PPP1R16A: variants seen among roughly 807,000 people sequenced by gnomAD.
PPP1R16A encodes the protein myosin phosphatase-targeting subunit 3.
PPP1R16A carries 39 observed loss-of-function variants against 46.6 expected under a neutral mutation model. The ratio of observed to expected loss-of-function variants is 0.84; its 90% CI spans 0.65 to 1.09. PPP1R16A has a LOEUF of 1.09. PPP1R16A is among the 50% of genes least tolerant of loss of function. The pLI, the probability that PPP1R16A is intolerant of heterozygous loss-of-function variation, is 0.00. For synonymous variants in PPP1R16A, 413 were observed against 321.5 expected, an observed-to-expected ratio of 1.28 and a Z score of -3.04; for missense variants, 798 against 735.6, an observed-to-expected ratio of 1.08 and a Z score of -0.98.
At chr8:144,494,672 T>G (rs1825970561) in intron 2 of PPP1R16A, among the ~76,000 whole-genome samples, 1 of 152,130 alleles carries the variant, frequency 6.6e-6, no homozygotes, top group Non-Finnish European at 1.5e-5. Context: ...GCCTTGCTCT[T>G]GGCTTGTGAT....
At chr8:144,499,956 C>G (rs988291803) in intron 5 of PPP1R16A, 140 bp from the exon 6 acceptor site, 1 of 791,120 alleles carries the variant, frequency 1.3e-6, no homozygotes, top group African/African-American at 1.7e-5. Context: ...CCAAGGCTGC[C>G]TCTCCCAGCA....
At chr8:144,483,025 C>T (rs984146120) in intron 1 of PPP1R16A, among the ~76,000 whole-genome samples, 7 of 151,574 alleles carry the variant, frequency 4.6e-5, no homozygotes, top group Non-Finnish European at 7.4e-5. Context: ...TCAGGTGATC[C>T]GCCCCCCTCA....
intron 1 of PPP1R16A, among the ~76,000 whole-genome samples, chr8:144,488,686 G>T (rs1405395986): frequency 2.6e-5 from 4 of 152,154 alleles, no homozygotes; most frequent in African/African-American, 7.2e-5. Flanking sequence ...GGCAACGATG[G>T]GCGGGGGTGA....
chr8:144,499,753 C>T, intron 5 of PPP1R16A: 1 of 294,700 alleles, frequency 3.4e-6, no homozygotes, highest in Non-Finnish European at 6.5e-6. Flanking sequence ...CTCAGCAGCC[C>T]CTCAGCGTGG....
chr8:144,499,687 C>A (rs1430437512), intron 5 of PPP1R16A: 22 of 219,718 alleles, frequency 1.0e-4, no homozygotes, highest in Non-Finnish European at 6.4e-5. Context: ...ACACCCCCTT[C>A]TGTGTTCTGG....
intron 2 of PPP1R16A, among the ~76,000 whole-genome samples, chr8:144,494,768 G>A (rs918689335): frequency 6.6e-6 from 1 of 152,128 alleles, no homozygotes; most frequent in Non-Finnish European, 1.5e-5. Flanking sequence ...GAAAGGTGAG[G>A]ATCTCCTCTT....
chr8:144,497,657 C>T, intron 3 of PPP1R16A: 1 of 735,970 alleles, frequency 1.4e-6, no homozygotes, highest in Non-Finnish European at 2.4e-6. Context: ...CTGAGGTGAG[C>T]CTGTGCGGGA....
Position 144,501,187 on chromosome 8 carries a change from GC to G in PPP1R16A, c.1099del (p.Gln367ArgfsTer49). The G allele has an allele frequency of 6.2e-7, 1 of 1,610,084 alleles. No homozygotes were observed. The highest frequency in any genetic ancestry group is 8.5e-7 in the Non-Finnish European group (1 of 1,179,624). On this transcript the variant is annotated frameshift_variant, in exon 11 of 12. Transcript: ENST00000435887. LOFTEE classifies it high-confidence loss of function. ...QRTDLYRKQH[A>X]QEAIVWQQPP... ...CACCGACCTGTACCGCAAGCAGCAC[GC>G]CCAGGAGGCCATCGTGTGGCAACAG...
intron 1 of PPP1R16A, among the ~76,000 whole-genome samples, chr8:144,480,761 G>T (rs1825379333): frequency 1.3e-5 from 2 of 152,150 alleles, no homozygotes; most frequent in South Asian, 4.1e-4. Context: ...GGGGATTACA[G>T]GCGTGAGCCA....
chr8:144,500,751 G>C lies in PPP1R16A; in HGVS notation c.897G>C (p.Glu299Asp). The C allele has an allele frequency of 6.2e-7, 1 of 1,611,796 alleles. No homozygotes were observed. The highest frequency in any genetic ancestry group is 8.5e-7 in the Non-Finnish European group (1 of 1,179,614). ...TGAACGCAAAGTCCCTGATGGACGA[G>C]ACGCCCCTTGGTGAGCTTGCGGGGC... ...ADLNAKSLMDETPLDVCGDEE... is the reference protein window; with the variant it reads ...ADLNAKSLMDDTPLDVCGDEE... Residue 299 changes from glutamate (E) to aspartate (D), a missense_variant, in exon 9 of 12, where the codon GAG (glutamate) becomes GAC (aspartate). Coordinates refer to ENST00000435887, the MANE Select transcript of PPP1R16A (RefSeq NM_001329443.2).
chr8:144,500,660 C>T, intron 8 of PPP1R16A, 26 bp from the exon 9 acceptor site: 1 of 1,607,474 alleles, frequency 6.2e-7, no homozygotes, highest in East Asian at 2.2e-5. Flanking sequence ...GCGCAGCAGT[C>T]TGCAGCTCCG....
chr8:144,493,595 C>G lies in PPP1R16A; in HGVS notation c.-734-2866C>G, dbSNP rs566670686. The stretch of plus-strand genomic sequence containing the variant: ...CCTTCTGGAGCCCTCAGCCCACTGC[C>G]GTGGGCCTTCGGCTGGCTGCTTCCT... On this transcript the variant is annotated intron_variant, in intron 2 of 11. Transcript: ENST00000435887. This position sits in a 1 kb window ranked among gnomAD's most constrained non-coding sequence, Gnocchi z 4.3. Among the ~76,000 whole-genome samples the G allele has an allele frequency of 3.3e-5, 5 of 152,246 alleles. No individual in the cohort carries two copies. In the South Asian group the frequency reaches 1.0e-3, roughly 32 times the overall value.
chr8:144,501,273 G>A lies in PPP1R16A; in HGVS notation c.1182G>A (p.Glu394=). 5 of 1,595,026 alleles carry A rather than the reference G, an allele frequency of 3.1e-6. No individual in the cohort carries two copies. The highest frequency in any genetic ancestry group is 4.3e-6 in the Non-Finnish European group (5 of 1,175,306). Residue 394 remains glutamate, a synonymous_variant, in exon 11 of 12, where the codon GAG becomes GAA. Coordinates refer to ENST00000435887, the MANE Select transcript of PPP1R16A (RefSeq NM_001329443.2). ...EDNDDRQTGA[E]LRPPPPEEDN... ...ACGATGACCGCCAGACAGGCGCAGA[G>A]CTCAGGCCGCCGCCCCCGGAGGTGA... is the stretch of plus-strand genomic sequence containing the variant.
chr8:144,478,504 G>A (rs554797778), intron 1 of PPP1R16A: 25 of 198,476 alleles, frequency 1.3e-4, no homozygotes, highest in East Asian at 1.1e-3. Flanking sequence ...GGCGCTTCGC[G>A]TTTTGTTCCA....
At position 144,500,111 on chromosome 8, in the gene PPP1R16A, G is replaced by A; in HGVS notation, c.492G>A (p.Leu164=). The part of the protein sequence containing the change: ...ELLIASGANL[L]AVNTDGNMPY... ...TTCCCTGCAGTGGCGCCAATCTCCTGGCGGTCAACACCGACGGGAACATGC... is the reference window on the plus strand; with the variant it reads ...TTCCCTGCAGTGGCGCCAATCTCCTAGCGGTCAACACCGACGGGAACATGC... Residue 164 remains leucine (L), a synonymous_variant, in exon 6 of 12, where the codon CTG becomes CTA. Transcript: ENST00000435887. 6.2e-7 allele frequency: 1 copy of A among 1,610,376 alleles called. No homozygotes were observed. Among genetic ancestry groups the A allele is most frequent in the Non-Finnish European group, 8.5e-7 (1 of 1,178,536 alleles).
chr8:144,498,709 C>T (rs778930621), intron 3 of PPP1R16A, 61 bp from the exon 4 acceptor site: 10 of 1,493,882 alleles, frequency 6.7e-6, no homozygotes, highest in Non-Finnish European at 3.6e-6. Flanking sequence ...TGGGCCGAAG[C>T]ACAGTTGACA....
rs539155284 is a variant in PPP1R16A at position 144,492,443 on chromosome 8, C to T, written c.-735+2231C>T. Among the ~76,000 whole-genome samples, 321 of 149,104 alleles carry T rather than the reference C, an allele frequency of 2.2e-3. 1 individual carries two copies. The highest frequency in any genetic ancestry group is 6.8e-3 in the African/African-American group (277 of 40,476). On this transcript the variant is annotated intron_variant, in intron 2 of 11. Coordinates refer to ENST00000435887, the MANE Select transcript of PPP1R16A (RefSeq NM_001329443.2). Reference sequence around the variant, plus strand: ...CTCCGCCTCCTGGATTCAAGTGATTCTTCTGCCTCAGCCTCCCAAGTAGCT... The same window carrying T: ...CTCCGCCTCCTGGATTCAAGTGATTTTTCTGCCTCAGCCTCCCAAGTAGCT...
rs146709136 is a variant in PPP1R16A, at chr8:144,501,558, A to G, written c.1242A>G (p.Arg414=). Residue 414 remains arginine, a synonymous_variant, in exon 12 of 12, where the codon CGA becomes CGG. Coordinates refer to ENST00000435887, the MANE Select transcript of PPP1R16A (RefSeq NM_001329443.2). ...AAGTGGTCAGGCCGCACAATGGCCG[A>G]GTAGGGGGCTCCCCAGTGCGGCATC... The part of the protein sequence containing the change: ...NPEVVRPHNG[R]VGGSPVRHLY... The G allele has an allele frequency of 7.9e-5, 126 of 1,588,896 alleles. No individual in the cohort carries two copies. The highest frequency in any genetic ancestry group is 1.1e-4 in the Non-Finnish European group (123 of 1,168,404).
At position 144,500,326 on chromosome 8, in the gene PPP1R16A, G is replaced by A. The variant is rs1469402566; in HGVS notation, c.640G>A (p.Asp214Asn). Residue 214 changes from aspartate (D) to asparagine (N), a missense_variant, in exon 7 of 12, where the codon GAC becomes AAC. By Grantham distance (23) the Asp-to-Asn change is conservative. Coordinates refer to ENST00000435887, the MANE Select transcript of PPP1R16A (RefSeq NM_001329443.2). ...CGTGCCAGAACTGCGCATGCTGGAC[G>A]ACATCCGGAGCCGGCTGCAGGCCGG... ...RAVPELRMLD[D>N]IRSRLQAGAD... 24 of 1,538,898 alleles carry A rather than the reference G, an allele frequency of 1.6e-5. No homozygotes were observed. The highest frequency in any genetic ancestry group is 2.0e-5 in the Non-Finnish European group (23 of 1,146,428).
Sources: allele counts gnomAD v4.1 joint callset (sites outside exome capture counted in the v4.1 genomes callset), GRCh38; gene constraint gnomAD v4.1.1; non-coding constraint Gnocchi (gnomAD v3.1); transcripts MANE v1.5; gene names NCBI Gene and HGNC (gene_info 2026-07-23, HGNC 2026-07-21).